TTLL4: variants seen among roughly 807,000 people sequenced by gnomAD.
TTLL4 encodes the protein tubulin monoglutamylase TTLL4.
In TTLL4, 85 loss-of-function variants were observed where a neutral mutation model predicts 122.7. The ratio of observed to expected loss-of-function variants is 0.69; its 90% CI spans 0.58 to 0.83. TTLL4 has a LOEUF of 0.83. Among genes scored for constraint, TTLL4 ranks in the 40% least tolerant of loss-of-function variants. The probability of loss-of-function intolerance (pLI) is 0.00; values close to 1 mark genes in which losing one functional copy is unlikely to be tolerated. For missense variants in TTLL4, 1,363 were observed against 1,488.6 expected (o/e 0.92, Z 1.39); for synonymous variants, 553 against 563.0 (o/e 0.98, Z 0.25).
chr2:218,753,341 T>C (rs944931862), intron 18 of TTLL4, 156 bp downstream of exon 18: 12 of 950,614 alleles, frequency 1.3e-5, no homozygotes, highest in Non-Finnish European at 2.0e-5. Flanking sequence ...AAGGGAATAG[T>C]TGCCTCCAGG....
At position 218,747,130 on chromosome 2, in the gene TTLL4, A is replaced by G; in HGVS notation, c.2102A>G (p.Gln701Arg). The G allele has an allele frequency of 6.2e-7, 1 of 1,614,208 alleles. No homozygotes were observed. Among genetic ancestry groups the G allele is most frequent in the Non-Finnish European group, 8.5e-7 (1 of 1,180,030 alleles). The change falls in exon 9 of 20, where the codon CAG (glutamine) becomes CGG (arginine). Residue 701 changes from glutamine (Q) to arginine (R), a missense_variant. Physicochemically the swap from Gln to Arg is conservative, Grantham distance 43. This residue lies in a region of TTLL4 where 596 missense variants were observed against 655.8 expected (regional missense o/e 0.91). Transcript: ENST00000392102. This position sits in a 1 kb window ranked among gnomAD's most constrained non-coding sequence, Gnocchi z 4.7. ...TTCCCCCAGTCCTTTATCCTGCCCCAGGACGCCAAGCTCCTGCGCAAAGCG... is the reference window on the plus strand; with the variant it reads ...TTCCCCCAGTCCTTTATCCTGCCCCGGGACGCCAAGCTCCTGCGCAAAGCG... Reference protein sequence around the residue: ...SFFPQSFILPQDAKLLRKAWE... With the variant: ...SFFPQSFILPRDAKLLRKAWE...
chr2:218,715,699 G>A (rs147161860), intron 1 of TTLL4, among the ~76,000 whole-genome samples: 4 of 151,788 alleles, frequency 2.6e-5, no homozygotes, highest in Non-Finnish European at 5.9e-5. Context: ...GCGCAATCTC[G>A]GCTCACTGCA....
rs758405880 is a variant in TTLL4 at position 218,750,072 on chromosome 2, T to A, written c.2799T>A (p.Asn933Lys). ...GCCAGATGATTCGTGACCTTCTGAATCTGGCAGGTTTTGTCCTGCCCAATG... is the reference window on the plus strand; with the variant it reads ...GCCAGATGATTCGTGACCTTCTGAAACTGGCAGGTTTTGTCCTGCCCAATG... Reference protein sequence around the residue: ...IKGQMIRDLLNLAGFVLPNAE... With the variant: ...IKGQMIRDLLKLAGFVLPNAE... The change falls in exon 15 of 20, where the codon AAT becomes AAA. Residue 933 changes from asparagine to lysine, a missense_variant. Asn to Lys is a moderately conservative substitution (Grantham distance 94, BLOSUM62 0). Coordinates refer to ENST00000392102, the MANE Select transcript of TTLL4 (RefSeq NM_014640.5). The A allele has an allele frequency of 1.2e-6, 2 of 1,614,174 alleles. No homozygotes were observed. The highest frequency in any genetic ancestry group is 1.7e-6 in the Non-Finnish European group (2 of 1,180,004).
At chr2:218,748,045 G>GC in intron 11 of TTLL4, 60 bp from the exon 12 acceptor site, 1 of 1,605,210 alleles carries the variant, frequency 6.2e-7, no homozygotes, top group Non-Finnish European at 8.5e-7. Context: ...GAAATGTTTG[G>GC]CCCCTTCTCC....
At position 218,747,805 on chromosome 2, in the gene TTLL4, A is replaced by G; in HGVS notation, c.2378+80A>G. 2.9e-5 allele frequency: 45 copies of G among 1,569,238 alleles called. No homozygotes were observed. Among genetic ancestry groups the G allele is most frequent in the Non-Finnish European group, 3.7e-5 (43 of 1,153,308 alleles). On this transcript the variant is annotated intron_variant, in intron 11 of 19. Transcript: ENST00000392102. This position sits in a 1 kb window ranked among gnomAD's most constrained non-coding sequence, Gnocchi z 4.7. ...GGAGGGAGGGAAACTAGAAGACACC[A>G]AACAGAAAAATAGTTTTTGTTAGCA...
At chr2:218,726,568 C>T (rs6733232) in intron 1 of TTLL4, among the ~76,000 whole-genome samples, 6,363 of 148,450 alleles carry the variant, frequency 0.043, 361 homozygotes, top group African/African-American at 0.14. Flanking sequence ...CGGGTTCAAG[C>T]GATTCTTATG....
In TTLL4 at chr2:218,754,238, G is replaced by T. The variant is rs149440405; in HGVS notation, c.3449G>T (p.Ser1150Ile). 5 of 1,614,138 alleles carry T rather than the reference G, an allele frequency of 3.1e-6. No individual in the cohort carries two copies. Among genetic ancestry groups the T allele is most frequent in the African/African-American group, 1.3e-5 (1 of 75,022 alleles). ...CTTTCCCCTTATCCCCAGAAACCCA[G>T]TTCCTCAAAGGACAGTGAGGACACC... is the stretch of plus-strand genomic sequence containing the variant. ...AGLSPYPQKP[S>I]SSKDSEDTSK... The change falls in exon 20 of 20, where the codon AGT (serine) becomes ATT (isoleucine). Residue 1150 changes from serine to isoleucine, a missense_variant. Coordinates refer to ENST00000392102, the MANE Select transcript of TTLL4 (RefSeq NM_014640.5).
intron 1 of TTLL4, among the ~76,000 whole-genome samples, chr2:218,724,430 C>T (rs575684481): frequency 1.3e-5 from 2 of 152,242 alleles, no homozygotes; most frequent in Non-Finnish European, 2.9e-5. Flanking sequence ...CTACCCTTCC[C>T]CCTACTCTTC....
At chr2:218,724,971 C>G (rs1170704743) in intron 1 of TTLL4, among the ~76,000 whole-genome samples, 1 of 152,128 alleles carries the variant, frequency 6.6e-6, no homozygotes, top group Non-Finnish European at 1.5e-5. Context: ...GTGATCATGG[C>G]TCACTGCAGT....
intron 5 of TTLL4, among the ~76,000 whole-genome samples, chr2:218,743,144 CA>C (rs1488192295): frequency 6.4e-5 from 9 of 141,698 alleles, no homozygotes; most frequent in Admixed American, 1.4e-4. Context: ...GACTCTGTCT[CA>C]AAAAAAAAAA....
chr2:218,747,092 G>A lies in TTLL4; in HGVS notation c.2064G>A (p.Lys688=). ...GTATGCAGAGCCGCTTTGGCAAGAA[G>A]GAGTTCAGTTTCTTCCCCCAGTCCT... The part of the protein sequence containing the change: ...LSRMQSRFGK[K]EFSFFPQSFI... The change falls in exon 9 of 20, where the codon AAG becomes AAA. Residue 688 remains lysine (K), a synonymous_variant. Coordinates refer to ENST00000392102, the MANE Select transcript of TTLL4 (RefSeq NM_014640.5). This position sits in a 1 kb window ranked among gnomAD's most constrained non-coding sequence, Gnocchi z 4.7. The A allele has an allele frequency of 6.2e-7, 1 of 1,614,210 alleles. No homozygotes were observed. The highest frequency in any genetic ancestry group is 8.5e-7 in the Non-Finnish European group (1 of 1,180,036).
intron 1 of TTLL4, among the ~76,000 whole-genome samples, chr2:218,711,331 C>T (rs1263201361): frequency 1.3e-5 from 2 of 152,236 alleles, no homozygotes; most frequent in Non-Finnish European, 2.9e-5. Context: ...CTAGTTATGG[C>T]CTCCGAGCTT....
In TTLL4 at chr2:218,738,418, C is replaced by A. The variant is rs748280780; in HGVS notation, c.742C>A (p.Gln248Lys). The change falls in exon 3 of 20, where the codon CAG (glutamine) becomes AAG (lysine). Residue 248 changes from glutamine (Q) to lysine (K), a missense_variant. This residue lies in a region of TTLL4 where 760 missense variants were observed against 808.4 expected (regional missense o/e 0.94). Transcript: ENST00000392102. ...GAAGCCAGTATCGCCACCCAAGATC[C>A]AGCCTGTCTCCTGGCATCATTCAGG... is the stretch of plus-strand genomic sequence containing the variant. ...GLKPVSPPKI[Q>K]PVSWHHSGGT... 1 of 1,614,074 alleles carries A rather than the reference C, an allele frequency of 6.2e-7. No homozygotes were observed. The highest frequency in any genetic ancestry group is 1.3e-5 in the African/African-American group (1 of 74,934).
At chr2:218,739,297 G>C in intron 3 of TTLL4, 134 bp downstream of exon 3, 1 of 1,069,858 alleles carries the variant, frequency 9.3e-7, no homozygotes, top group South Asian at 1.7e-5. Context: ...TTTCACTTCA[G>C]GGCAAGGGTT....
At chr2:218,725,595 G>A (rs1043718242) in intron 1 of TTLL4, among the ~76,000 whole-genome samples, 14 of 150,812 alleles carry the variant, frequency 9.3e-5, no homozygotes, top group African/African-American at 2.9e-4. Context: ...TTACGCTGTC[G>A]TCCATGCTGG....
intron 1 of TTLL4, among the ~76,000 whole-genome samples, chr2:218,718,669 C>T (rs534082926): frequency 3.9e-5 from 6 of 152,170 alleles, no homozygotes; most frequent in South Asian, 2.1e-4. Flanking sequence ...TGAACCACTG[C>T]GCCCGGCCAG....
At chr2:218,749,727 A>G (rs1942965699) in intron 14 of TTLL4, among the ~76,000 whole-genome samples, 1 of 152,162 alleles carries the variant, frequency 6.6e-6, no homozygotes, top group Admixed American at 6.5e-5. Context: ...TCGGCCTCCC[A>G]AAGTGCTGGG....
At chr2:218,753,341 T>A in intron 18 of TTLL4, 156 bp downstream of exon 18, 1 of 950,732 alleles carries the variant, frequency 1.1e-6, no homozygotes. Context: ...AAGGGAATAG[T>A]TGCCTCCAGG....
downstream of TTLL4, among the ~76,000 whole-genome samples, chr2:218,756,254 CT>C (rs1211637219): frequency 6.6e-6 from 1 of 152,166 alleles, no homozygotes; most frequent in African/African-American, 2.4e-5. Flanking sequence ...GGCTTGCCCC[CT>C]GAGAATCCCT....
Sources: gnomAD v4.1 joint callset for allele counts (sites outside exome capture counted in the v4.1 genomes callset) on GRCh38, gnomAD v4.1.1 for gene constraint, gnomAD v4.1.1 regional missense constraint, Gnocchi (gnomAD v3.1) non-coding constraint, MANE v1.5 for transcripts, NCBI Gene and HGNC (gene_info 2026-07-23, HGNC 2026-07-21) for gene names.